The following FBXO11 variants were observed in gnomAD, a reference collection of about 807,000 sequenced individuals.
FBXO11 encodes the protein F-box only protein 11.
A neutral mutation model predicts 117.0 loss-of-function variants in FBXO11; 13 were observed. The ratio of observed to expected loss-of-function variants is 0.11; its 90% CI spans 0.07 to 0.18. The LOEUF is 0.18. Among genes scored for constraint, FBXO11 ranks in the 10% least tolerant of loss-of-function variants. FBXO11 has a pLI of 1.00. For missense variants in FBXO11, 767 were observed against 1,164.4 expected (o/e 0.66, Z 4.97); for synonymous variants, 490 against 380.5 (o/e 1.29, Z -3.35).
chr2:47,820,328 A>C lies in FBXO11; in HGVS notation c.1797+34T>G, dbSNP rs746082205. 7.0e-5 allele frequency: 107 copies of C among 1,536,900 alleles called. 1 individual carries two copies. The South Asian group carries it at 1.2e-3, about 17-fold the overall frequency. On this transcript the variant is annotated intron_variant, in intron 14 of 22. Transcript: ENST00000403359. ...CCCTTTATCCCCCTGGTTTTGATGC[A>C]TGAGTTTATAGGGAACTATATACAT...
chr2:47,851,350 C>T (rs1673844443), intron 1 of FBXO11, among the ~76,000 whole-genome samples: 1 of 152,070 alleles, frequency 6.6e-6, no homozygotes, highest in African/African-American at 2.4e-5. Flanking sequence ...CCTCAGCCTC[C>T]CAAGTAGCTG....
At chr2:47,902,319 G>C (rs1202323091) in intron 1 of FBXO11, among the ~76,000 whole-genome samples, 6 of 152,194 alleles carry the variant, frequency 3.9e-5, no homozygotes, top group African/African-American at 1.4e-4. Context: ...CTAGTATTTA[G>C]TCTTAGGATA....
At chr2:47,869,410 C>A (rs528440002) in intron 1 of FBXO11, among the ~76,000 whole-genome samples, 2 of 152,164 alleles carry the variant, frequency 1.3e-5, no homozygotes, top group Non-Finnish European at 2.9e-5. Context: ...GACAACCAAG[C>A]GGTAACTAAC....
chr2:47,846,978 C>G (rs892771523), intron 1 of FBXO11, among the ~76,000 whole-genome samples: 1 of 152,148 alleles, frequency 6.6e-6, no homozygotes. Context: ...GTCGTGGTGG[C>G]TCACATCTGT....
At chr2:47,810,616 A>T in intron 18 of FBXO11, 190 bp from the exon 19 acceptor site, 1 of 492,530 alleles carries the variant, frequency 2.0e-6, no homozygotes, top group Admixed American at 3.9e-5. Flanking sequence ...TGCTACAATG[A>T]CAGGTAAGAG....
Position 47,905,957 on chromosome 2 carries a change from A to T in FBXO11, c.-237T>A, listed in dbSNP as rs1482005090. 2.4e-6 allele frequency: 1 copy of T among 423,322 alleles called. No homozygotes were observed. The highest frequency in any genetic ancestry group is 4.2e-6 in the Non-Finnish European group (1 of 240,824). 26.2% of individuals were successfully genotyped at this position (423,322 alleles called of 1,614,324 possible). The stretch of plus-strand genomic sequence containing the variant: ...GGCCGGGAGGGCCTGACGCACGGGG[A>T]AGGCCGAAGCCGCCGGGCGGGGCGG... On this transcript the variant is annotated 5_prime_UTR_variant, in exon 1 of 23. Transcript: ENST00000403359.
intron 14 of FBXO11, among the ~76,000 whole-genome samples, chr2:47,819,760 C>T (rs1008258981): frequency 2.6e-5 from 4 of 152,070 alleles, no homozygotes; most frequent in African/African-American, 9.7e-5. Flanking sequence ...GCTTCATGTT[C>T]CCAAAATTTT....
At chr2:47,859,462 A>T (rs963695322) in intron 1 of FBXO11, among the ~76,000 whole-genome samples, 1 of 152,222 alleles carries the variant, frequency 6.6e-6, no homozygotes, top group African/African-American at 2.4e-5. Flanking sequence ...TGCTGTGAAG[A>T]GAGGTTGGGA....
intron 1 of FBXO11, among the ~76,000 whole-genome samples, chr2:47,859,212 C>T (rs1203913676): frequency 6.6e-6 from 1 of 151,910 alleles, no homozygotes; most frequent in East Asian, 1.9e-4. Context: ...TTTCTTGATT[C>T]TAGGATGCGA....
intron 1 of FBXO11, among the ~76,000 whole-genome samples, chr2:47,855,263 T>G (rs1252960152): frequency 6.6e-6 from 1 of 151,828 alleles, no homozygotes; most frequent in Non-Finnish European, 1.5e-5. Flanking sequence ...TGCAGTGGCA[T>G]GATCACAGCT....
Position 47,901,054 on chromosome 2 carries a change from CAT to C in FBXO11, c.232+4433_232+4434del, listed in dbSNP as rs771475927. Among the ~76,000 whole-genome samples, 293 of 109,816 alleles carry C rather than the reference CAT, an allele frequency of 2.7e-3. 6 individuals carry two copies. Among genetic ancestry groups the C allele is most frequent in the African/African-American group, 7.1e-3 (237 of 33,442 alleles). 72.0% of individuals were successfully genotyped at this position (109,816 alleles called of 152,430 possible). The stretch of plus-strand genomic sequence containing the variant: ...ATACACACGTGTGTACATATATACA[CAT>C]ATATATGTATATATATACACACGTG... On this transcript the variant is annotated intron_variant, in intron 1 of 22. Coordinates refer to ENST00000403359, the MANE Select transcript of FBXO11 (RefSeq NM_001190274.2).
chr2:47,824,206 G>C (rs930915542), intron 11 of FBXO11, among the ~76,000 whole-genome samples: 15 of 152,308 alleles, frequency 9.8e-5, no homozygotes, highest in African/African-American at 3.4e-4. Context: ...GTCCCAACAA[G>C]TCAGCTTCTA....
At chr2:47,898,845 T>C (rs1206966960) in intron 1 of FBXO11, among the ~76,000 whole-genome samples, 4 of 152,204 alleles carry the variant, frequency 2.6e-5, no homozygotes, top group Non-Finnish European at 5.9e-5. Flanking sequence ...TATCTTTCCT[T>C]GTTTATAGAA....
chr2:47,808,017 G>C lies in FBXO11; in HGVS notation c.*101C>G. On this transcript the variant is annotated 3_prime_UTR_variant, in exon 23 of 23. Transcript: ENST00000403359. ...ACCTTGTGTATCCATTTTTAATACA[G>C]TCTCTTCCTGTAGCATGGGCAAATA... 1.9e-6 allele frequency: 2 copies of C among 1,077,238 alleles called. No individual in the cohort carries two copies. The highest frequency in any genetic ancestry group is 1.6e-5 in the African/African-American group (1 of 63,590). 66.7% of individuals were successfully genotyped at this position (1,077,238 alleles called of 1,614,324 possible). A position where few individuals can be genotyped will look rare whatever the true frequency, so the allele number is the denominator to read the frequency against.
intron 1 of FBXO11, among the ~76,000 whole-genome samples, chr2:47,857,399 T>C (rs1674383744): frequency 6.6e-6 from 1 of 151,916 alleles, no homozygotes; most frequent in East Asian, 1.9e-4. Flanking sequence ...GGGATTATAG[T>C]CGTGAGCCAC....
chr2:47,842,814 T>G (rs1572828635), intron 1 of FBXO11, among the ~76,000 whole-genome samples: 1 of 150,006 alleles, frequency 6.7e-6, no homozygotes, highest in Admixed American at 6.6e-5. Flanking sequence ...AGGGTCTCAC[T>G]TTGTCACCCA....
At chr2:47,847,792 G>C (rs1336086252) in intron 1 of FBXO11, among the ~76,000 whole-genome samples, 2 of 151,918 alleles carry the variant, frequency 1.3e-5, no homozygotes, top group Non-Finnish European at 2.9e-5. Flanking sequence ...TTGTTATGTG[G>C]TGCGTGACTG....
At chr2:47,817,438 TTTTGC>T (rs1334280483) in intron 16 of FBXO11, among the ~76,000 whole-genome samples, 5 of 152,238 alleles carry the variant, frequency 3.3e-5, no homozygotes, top group Non-Finnish European at 5.9e-5. Flanking sequence ...AATAAGGTTG[TTTTGC>T]TTTGCTTTAT....
Position 47,884,884 on chromosome 2 carries a change from T to TTC in FBXO11, c.232+20603_232+20604dup, listed in dbSNP as rs1365704972. ...AAACAGAAGTTTACTGTAAAACAGG[T>TTC]TCTTGTTATGCATAATATATTAATT... On this transcript the variant is annotated intron_variant, in intron 1 of 22. Coordinates refer to ENST00000403359, the MANE Select transcript of FBXO11 (RefSeq NM_001190274.2). Among the ~76,000 whole-genome samples the TTC allele has an allele frequency of 2.6e-5, 4 of 152,180 alleles. No individual in the cohort carries two copies. The East Asian group carries it at 7.7e-4, about 29-fold the overall frequency.
Sources: gnomAD v4.1 joint callset for allele counts (sites outside exome capture counted in the v4.1 genomes callset) on GRCh38, gnomAD v4.1.1 for gene constraint, MANE v1.5 for transcripts, NCBI Gene and HGNC (gene_info 2026-07-23, HGNC 2026-07-21) for gene names.